Variants in CFAP43 observed in about 807,000 individuals in gnomAD.
CFAP43 encodes the protein cilia and flagella associated protein 43.
Under a neutral mutation model 218.9 loss-of-function variants are expected in CFAP43, and 155 were observed. The observed-to-expected ratio is 0.71, with a 90% confidence interval of 0.62 to 0.81. CFAP43 has a LOEUF of 0.81. Among genes scored for constraint, CFAP43 ranks in the 30% least tolerant of loss-of-function variants. CFAP43 has a pLI of 0.00. For missense variants in CFAP43, 1,778 were observed against 1,954.3 expected, an observed-to-expected ratio of 0.91 and a Z score of 1.70; for synonymous variants, 645 against 681.3, an observed-to-expected ratio of 0.95 and a Z score of 0.83.
chr10:104,145,996 A>G (rs1388378033), intron 30 of CFAP43, among the ~76,000 whole-genome samples: 3 of 152,208 alleles, frequency 2.0e-5, no homozygotes, highest in African/African-American at 7.2e-5. Flanking sequence ...GGGGTCTGCA[A>G]CCTAAAGTTT....
chr10:104,191,625 C>A (rs2090219574), intron 12 of CFAP43, among the ~76,000 whole-genome samples: 2 of 152,044 alleles, frequency 1.3e-5, no homozygotes, highest in Admixed American at 1.3e-4. Context: ...ATATTTTCAT[C>A]CCCCTACAAG....
intron 17 of CFAP43, 105 bp downstream of exon 17, chr10:104,182,261 G>T: frequency 4.0e-6 from 5 of 1,259,204 alleles, no homozygotes; most frequent in Non-Finnish European, 5.3e-6. Context: ...CCTGGATAAA[G>T]AGAAATATTA....
intron 12 of CFAP43, 140 bp from the exon 13 acceptor site, chr10:104,188,550 G>T: frequency 8.9e-7 from 1 of 1,125,586 alleles, no homozygotes. Context: ...CATTTAAAGT[G>T]ACCTTTAAAC....
At chr10:104,208,121 T>C (rs928014978) in intron 5 of CFAP43, among the ~76,000 whole-genome samples, 5 of 152,160 alleles carry the variant, frequency 3.3e-5, no homozygotes, top group Non-Finnish European at 4.4e-5. Flanking sequence ...CTCCAAAAAA[T>C]TAAACTGCTG....
chr10:104,185,948 T>C (rs771233672), intron 15 of CFAP43, 26 bp downstream of exon 15: 2 of 1,600,834 alleles, frequency 1.2e-6, no homozygotes, highest in South Asian at 1.1e-5. Flanking sequence ...ACACCCACAA[T>C]ATTTTTTTTT....
At chr10:104,230,873 T>G in intron 1 of CFAP43, 30 bp from the exon 2 acceptor site, 1 of 1,552,544 alleles carries the variant, frequency 6.4e-7, no homozygotes. Flanking sequence ...AACATCAATA[T>G]AATACATTTC....
In CFAP43 at chr10:104,132,198, T is replaced by C. The variant is rs562514297; in HGVS notation, c.4597-2A>G. The C allele has an allele frequency of 2.5e-6, 4 of 1,581,358 alleles. No homozygotes were observed. In the African/African-American group the frequency reaches 5.4e-5, roughly 21 times the overall value. ...CTCATAGTTTGGTTCATTTAGGTAC[T>C]TTGAGATTAAAAAAAAACATGTAAG... On this transcript the variant is annotated splice_acceptor_variant, in intron 35 of 37. Coordinates refer to ENST00000357060, the MANE Select transcript of CFAP43 (RefSeq NM_025145.7). LOFTEE classifies it high-confidence loss of function.
At chr10:104,188,548 G>GGTCACTTTAAA in intron 12 of CFAP43, 138 bp from the exon 13 acceptor site, 3 of 1,158,576 alleles carry the variant, frequency 2.6e-6, no homozygotes, top group African/African-American at 1.6e-5. Flanking sequence ...GACATTTAAA[G>GGTCACTTTAAA]TGACCTTTAA....
At chr10:104,162,429 CTAT>C (rs774554732) in intron 24 of CFAP43, 26 bp from the exon 25 acceptor site, 1 of 1,583,174 alleles carries the variant, frequency 6.3e-7, no homozygotes, top group South Asian at 1.1e-5. Context: ...TCATTTCCTG[CTAT>C]TATTCTTACA....
At position 104,179,065 on chromosome 10, in the gene CFAP43, T is replaced by G. The variant is rs1405787468; in HGVS notation, c.2424A>C (p.Lys808Asn). Residue 808 changes from lysine (K) to asparagine (N), a missense_variant, in exon 19 of 38, where the codon AAA (lysine) becomes AAC (asparagine). This residue lies in a region of CFAP43 where 1,553 missense variants were observed against 1,685.2 expected (regional missense o/e 0.92). Transcript: ENST00000357060. ...KEVNLFSKKR[K>N]EIKQGIKSLS... ...GTGATTTGATTCCTTGTTTTATCTC[T>G]TTCCTTTTCTTGGAAAACAGATTAA... 6.2e-7 allele frequency: 1 copy of G among 1,613,516 alleles called. No individual in the cohort carries two copies. The highest frequency in any genetic ancestry group is 8.5e-7 in the Non-Finnish European group (1 of 1,179,750).
chr10:104,192,621 C>T (rs1223174541), intron 11 of CFAP43: 3 of 275,320 alleles, frequency 1.1e-5, no homozygotes, highest in East Asian at 2.3e-4. Context: ...CGCAAATAAG[C>T]AATTCTCAAA....
chr10:104,216,960 C>T (rs1032541158), intron 3 of CFAP43, among the ~76,000 whole-genome samples: 3 of 152,198 alleles, frequency 2.0e-5, no homozygotes, highest in Admixed American at 2.0e-4. Flanking sequence ...AGGTGGGTCC[C>T]TTCCATTGAT....
chr10:104,211,771 T>A (rs2134972095), intron 5 of CFAP43, among the ~76,000 whole-genome samples: 1 of 152,262 alleles, frequency 6.6e-6, no homozygotes, highest in Non-Finnish European at 1.5e-5. Context: ...ATGCCCAAAA[T>A]GGAAATCACA....
chr10:104,196,744 G>A, intron 10 of CFAP43, 109 bp downstream of exon 10: 1 of 888,430 alleles, frequency 1.1e-6, no homozygotes, highest in Non-Finnish European at 1.7e-6. Flanking sequence ...AAAATGCAGT[G>A]AGGCTTCGGT....
chr10:104,216,224 C>G (rs2091008133), intron 3 of CFAP43, among the ~76,000 whole-genome samples: 1 of 152,318 alleles, frequency 6.6e-6, no homozygotes, highest in Admixed American at 6.5e-5. Flanking sequence ...CCACAGATAC[C>G]TGCCTTCATC....
chr10:104,219,918 G>A (rs747790060), intron 3 of CFAP43, among the ~76,000 whole-genome samples: 5 of 152,130 alleles, frequency 3.3e-5, no homozygotes, highest in Non-Finnish European at 5.9e-5. Flanking sequence ...TTTAGGTATT[G>A]CTATGGGTTG....
intron 2 of CFAP43, among the ~76,000 whole-genome samples, 199 bp downstream of exon 2, chr10:104,230,391 G>T (rs1445131438): frequency 6.6e-6 from 1 of 152,050 alleles, no homozygotes; most frequent in Non-Finnish European, 1.5e-5. Context: ...CTTGAACCTG[G>T]GAGGCAGAGA....
In CFAP43 at chr10:104,182,253, T is replaced by C. The variant is rs992282788; in HGVS notation, c.2289+113A>G. On this transcript the variant is annotated intron_variant, in intron 17 of 37. Transcript: ENST00000357060. The stretch of plus-strand genomic sequence containing the variant: ...CCCTTTTTGAAAATCATGGGATACC[T>C]GGATAAAGAGAAATATTACTAAATA... 1.7e-5 allele frequency: 20 copies of C among 1,201,154 alleles called. 2 individuals are homozygous for C. The Admixed American group carries it at 3.9e-4, about 24-fold the overall frequency. 74.4% of individuals were successfully genotyped at this position (1,201,154 alleles called of 1,614,324 possible). A position where few individuals can be genotyped will look rare whatever the true frequency, so the allele number is the denominator to read the frequency against.
intron 20 of CFAP43, among the ~76,000 whole-genome samples, chr10:104,169,644 C>T (rs957260060): frequency 1.3e-5 from 2 of 151,962 alleles, no homozygotes; most frequent in African/African-American, 4.8e-5. Context: ...GAATTATTAG[C>T]AAACTAGATA....
Sources: allele counts gnomAD v4.1 joint callset (sites outside exome capture counted in the v4.1 genomes callset), GRCh38; gene constraint gnomAD v4.1.1; regional missense constraint gnomAD v4.1.1; transcripts MANE v1.5; gene names NCBI Gene and HGNC (gene_info 2026-07-23, HGNC 2026-07-21).